TAF5L: variants seen among roughly 807,000 people sequenced by gnomAD.
TAF5L encodes TATA-box binding protein associated factor 5 like.
A neutral mutation model predicts 51.3 loss-of-function variants in TAF5L; 7 were observed. The observed-to-expected ratio is 0.14, with a 90% CI of 0.08 to 0.26. The LOEUF (loss-of-function observed/expected upper bound fraction) is 0.26. Among genes scored for constraint, TAF5L ranks in the 10% least tolerant of loss-of-function variants. The pLI, the probability that TAF5L is intolerant of heterozygous loss-of-function variation, is 1.00. For missense variants in TAF5L, 575 were observed against 758.9 expected, an observed-to-expected ratio of 0.76 and a Z score of 2.85; for synonymous variants, 291 against 308.1, an observed-to-expected ratio of 0.94 and a Z score of 0.58.
chr1:229,598,964 TGA>T (rs1247936311), intron 4 of TAF5L, among the ~76,000 whole-genome samples: 1 of 152,178 alleles, frequency 6.6e-6, no homozygotes, highest in East Asian at 1.9e-4. Flanking sequence ...CCCAAAGTGC[TGA>T]GATTACAGGC....
intron 2 of TAF5L, among the ~76,000 whole-genome samples, chr1:229,610,473 C>G (rs771744310): frequency 1.3e-5 from 2 of 152,214 alleles, no homozygotes; most frequent in Non-Finnish European, 2.9e-5. Flanking sequence ...TGAGAGAGGA[C>G]AGGTACATCA....
At chr1:229,618,191 G>A (rs914319248) in intron 1 of TAF5L, among the ~76,000 whole-genome samples, 19 of 152,164 alleles carry the variant, frequency 1.2e-4, no homozygotes, top group Non-Finnish European at 1.6e-4. Context: ...TACATGAGAC[G>A]AACAGTGCAG....
At position 229,602,456 on chromosome 1, in the gene TAF5L, A is replaced by T; in HGVS notation, c.711T>A (p.Ala237=). The T allele has an allele frequency of 6.2e-7, 1 of 1,614,140 alleles. No homozygotes were observed. Among genetic ancestry groups the T allele is most frequent in the Non-Finnish European group, 8.5e-7 (1 of 1,179,988 alleles). The change falls in exon 4 of 5, where the codon GCT becomes GCA. Residue 237 remains alanine, a synonymous_variant. Transcript: ENST00000258281. The surrounding 1 kb of genome is among the most constrained non-coding windows in gnomAD (Gnocchi z 4.6). ...TGCTCTCCTGTAAGACCTCTAGGGC[A>T]GCCTCGTTCTGCAGAATAGGGCTGG... is the stretch of plus-strand genomic sequence containing the variant.
rs1250811706 is a variant in TAF5L at position 229,594,450 on chromosome 1, G to A, written c.1617C>T (p.Ile539=). 1.5e-5 allele frequency: 25 copies of A among 1,614,078 alleles called. No homozygotes were observed. Among genetic ancestry groups the A allele is most frequent in the Non-Finnish European group, 2.0e-5 (24 of 1,180,042 alleles). ...CAGGTGCACTGCAGTAAGTGTTCCT[G>A]ATGTCCCAGACGCGCACCGAGTTGT... Residue 539 remains isoleucine (I), a synonymous_variant, in exon 5 of 5, where the codon ATC becomes ATT. Transcript: ENST00000258281. The surrounding 1 kb of genome is among the most constrained non-coding windows in gnomAD (Gnocchi z 7.9).
At chr1:229,593,939 G>C (rs893166679) in exon 5 of TAF5L, 1 of 220,126 alleles carries the variant, frequency 4.5e-6, no homozygotes, top group African/African-American at 2.3e-5. Flanking sequence ...CACTTCTCCT[G>C]AGGGTGCTCT....
intron 1 of TAF5L, among the ~76,000 whole-genome samples, chr1:229,621,271 T>TA (rs1319171476): frequency 7.2e-5 from 11 of 152,328 alleles, no homozygotes; most frequent in Admixed American, 6.5e-4. Context: ...CATCTTGGCT[T>TA]AAAAAAGTTA....
intron 4 of TAF5L, among the ~76,000 whole-genome samples, chr1:229,598,962 G>A (rs1664257653): frequency 6.6e-6 from 1 of 152,140 alleles, no homozygotes; most frequent in African/African-American, 2.4e-5. Context: ...CTCCCAAAGT[G>A]CTGAGATTAC....
intron 2 of TAF5L, among the ~76,000 whole-genome samples, chr1:229,611,407 T>C (rs982938081): frequency 1.3e-5 from 2 of 152,130 alleles, no homozygotes; most frequent in Non-Finnish European, 2.9e-5. Flanking sequence ...TGAATGCATT[T>C]TGTCAATGGA....
intron 3 of TAF5L, chr1:229,607,532 C>G: frequency 1.0e-6 from 1 of 968,302 alleles, no homozygotes; most frequent in Non-Finnish European, 1.2e-6. Flanking sequence ...TACTGAAACT[C>G]AATCCATCCT....
chr1:229,603,104 A>T (rs1161710773), intron 3 of TAF5L, among the ~76,000 whole-genome samples, 185 bp from the exon 4 acceptor site: 1 of 152,232 alleles, frequency 6.6e-6, no homozygotes, highest in African/African-American at 2.4e-5. Flanking sequence ...TTGAAGAAAG[A>T]GCATGAACTC....
At chr1:229,600,954 G>T (rs1189424596) in intron 4 of TAF5L, 2 of 985,190 alleles carry the variant, frequency 2.0e-6, no homozygotes, top group Non-Finnish European at 2.4e-6. Flanking sequence ...GCAAATGCAG[G>T]CAGTATTCCT....
At chr1:229,595,250 C>A (rs866602697) in intron 4 of TAF5L, among the ~76,000 whole-genome samples, 156 bp from the exon 5 acceptor site, 2 of 152,186 alleles carry the variant, frequency 1.3e-5, no homozygotes, top group African/African-American at 4.8e-5. Context: ...TGCCCTTGAA[C>A]GCTACCCCAG....
At chr1:229,596,454 A>G (rs1664130452) in intron 4 of TAF5L, among the ~76,000 whole-genome samples, 1 of 152,208 alleles carries the variant, frequency 6.6e-6, no homozygotes, top group African/African-American at 2.4e-5. Flanking sequence ...CAAAATAAAT[A>G]AGAATGAAGT....
At chr1:229,607,352 C>T (rs1664633994) in intron 3 of TAF5L, 2 of 985,422 alleles carry the variant, frequency 2.0e-6, no homozygotes, top group Non-Finnish European at 2.4e-6. Context: ...CCTGCCATTC[C>T]TCTTACAAAT....
intron 3 of TAF5L, among the ~76,000 whole-genome samples, chr1:229,608,364 G>T (rs1208764351): frequency 6.6e-6 from 1 of 152,022 alleles, no homozygotes; most frequent in Non-Finnish European, 1.5e-5. Flanking sequence ...GAAAAATCAT[G>T]AAAATTAAGG....
intron 1 of TAF5L, among the ~76,000 whole-genome samples, chr1:229,623,656 G>A (rs1046905935): frequency 6.6e-6 from 1 of 152,156 alleles, no homozygotes; most frequent in Non-Finnish European, 1.5e-5. Flanking sequence ...CTACCACTAC[G>A]AATACTTAAC....
intron 1 of TAF5L, among the ~76,000 whole-genome samples, chr1:229,621,466 G>A (rs1665200200): frequency 6.6e-6 from 1 of 152,068 alleles, no homozygotes; most frequent in South Asian, 2.1e-4. Context: ...AATTATAAAT[G>A]GAAGTATTTT....
At chr1:229,620,146 TA>T (rs796753429) in intron 1 of TAF5L, among the ~76,000 whole-genome samples, 54 of 148,152 alleles carry the variant, frequency 3.6e-4, no homozygotes, top group African/African-American at 1.1e-3. Flanking sequence ...TCTCTCAACT[TA>T]AAAAAAAAAA....
Position 229,594,014 on chromosome 1 carries a change from C to T in TAF5L, c.*283G>A, listed in dbSNP as rs116380134. ...TGAAAATGAGAGACAGGAAGGTGCTCGCATGCGCGAGGTCACGGCAGAGTC... is the reference window on the plus strand; with the variant it reads ...TGAAAATGAGAGACAGGAAGGTGCTTGCATGCGCGAGGTCACGGCAGAGTC... On this transcript the variant is annotated 3_prime_UTR_variant, in exon 5 of 5. Transcript: ENST00000258281. This position sits in a 1 kb window ranked among gnomAD's most constrained non-coding sequence, Gnocchi z 7.9. The T allele has an allele frequency of 5.3e-3, 1,767 of 334,606 alleles. 32 individuals are homozygous for T. The highest frequency in any genetic ancestry group is 0.035 in the African/African-American group (1,625 of 47,012). 20.7% of individuals were successfully genotyped at this position (334,606 alleles called of 1,614,324 possible).
Sources: gnomAD v4.1 joint callset for allele counts (sites outside exome capture counted in the v4.1 genomes callset) on GRCh38, gnomAD v4.1.1 for gene constraint, Gnocchi (gnomAD v3.1) non-coding constraint, MANE v1.5 for transcripts, NCBI Gene and HGNC (gene_info 2026-07-23, HGNC 2026-07-21) for gene names.